The following ADGRF4 variants were observed in gnomAD, a reference collection of about 807,000 sequenced individuals.
The protein encoded by ADGRF4 is adhesion G protein-coupled receptor F4, also known as G-protein coupled receptor PGR18.
In ADGRF4, 63 loss-of-function variants were observed where a neutral mutation model predicts 58.5. That is an observed-to-expected ratio of 1.08 (90% CI 0.88 to 1.33). The LOEUF (loss-of-function observed/expected upper bound fraction) is 1.33, where lower values mean the gene tolerates loss of function less well. ADGRF4 is among the 40% of genes most tolerant of loss of function. The pLI is 0.00. For synonymous variants in ADGRF4, 313 were observed against 295.4 expected, an observed-to-expected ratio of 1.06 and a Z score of -0.61; for missense variants, 931 against 843.9, an observed-to-expected ratio of 1.10 and a Z score of -1.28.
At chr6:47,707,820 T>C (rs1273051211) in intron 2 of ADGRF4, among the ~76,000 whole-genome samples, 1 of 152,228 alleles carries the variant, frequency 6.6e-6, no homozygotes, top group Non-Finnish European at 1.5e-5. Flanking sequence ...TTCCTGTTCA[T>C]TTCTGTCTTC....
intron 4 of ADGRF4, among the ~76,000 whole-genome samples, chr6:47,711,825 C>T (rs1262775564): frequency 6.6e-6 from 1 of 152,136 alleles, no homozygotes; most frequent in Non-Finnish European, 1.5e-5. Context: ...TAGGTAATCA[C>T]CTAGAAGTCC....
intron 4 of ADGRF4, among the ~76,000 whole-genome samples, chr6:47,711,210 C>T (rs1771859032): frequency 6.6e-6 from 1 of 151,886 alleles, no homozygotes; most frequent in Non-Finnish European, 1.5e-5. Flanking sequence ...TGGTATGCCT[C>T]TTGTGATAAT....
chr6:47,720,427 G>A (rs1227007746), intron 9 of ADGRF4, among the ~76,000 whole-genome samples: 1 of 152,184 alleles, frequency 6.6e-6, no homozygotes, highest in African/African-American at 2.4e-5. Context: ...GACTTGCAAG[G>A]AGAATTGAGG....
chr6:47,710,707 CTCTCTCTT>C lies in ADGRF4; in HGVS notation c.149-22_149-15del, dbSNP rs1561866824. The C allele has an allele frequency of 6.6e-7, 1 of 1,525,200 alleles. No individual in the cohort carries two copies. The highest frequency in any genetic ancestry group is 1.2e-5 in the South Asian group (1 of 80,894). 94.5% of individuals were successfully genotyped at this position (1,525,200 alleles called of 1,614,324 possible). On this transcript the variant is annotated intron_variant, in intron 3 of 9. Coordinates refer to ENST00000283303, the MANE Select transcript of ADGRF4 (RefSeq NM_153838.5). ...GGAAATCCTAATTGGGCTCCTGTCT[CTCTCTCTT>C]TCTCTTTTTTTCTTTATAGAGAAAT... is the stretch of plus-strand genomic sequence containing the variant.
Position 47,715,004 on chromosome 6 carries a change from C to T in ADGRF4, c.1759C>T (p.Pro587Ser), listed in dbSNP as rs1374084404. The change falls in exon 6 of 10, where the codon CCC becomes TCC. Residue 587 changes from proline (P) to serine (S), a missense_variant. By Grantham distance (74) the Pro-to-Ser change is moderately conservative. Coordinates refer to ENST00000283303, the MANE Select transcript of ADGRF4 (RefSeq NM_153838.5). ...VLVVAVNTQR[P>S]SIGSSKSQDV... ...GGTTGTTGCTGTCAACACTCAGAGG[C>T]CCTCTATTGGCAGTTCCAAGTCTCA... is the stretch of plus-strand genomic sequence containing the variant. 2 of 1,613,440 alleles carry T rather than the reference C, an allele frequency of 1.2e-6. No individual in the cohort carries two copies. Among genetic ancestry groups the T allele is most frequent in the Non-Finnish European group, 1.7e-6 (2 of 1,179,402 alleles).
chr6:47,705,885 T>G (rs1292426470), intron 1 of ADGRF4, among the ~76,000 whole-genome samples: 1 of 152,260 alleles, frequency 6.6e-6, no homozygotes, highest in Non-Finnish European at 1.5e-5. Flanking sequence ...ACTGTTGGTT[T>G]GACTTGTCTG....
At position 47,710,888 on chromosome 6, in the gene ADGRF4, T is replaced by A. The variant is rs756929077; in HGVS notation, c.300+2T>A. 1.2e-6 allele frequency: 2 copies of A among 1,606,414 alleles called. No individual in the cohort carries two copies. The highest frequency in any genetic ancestry group is 2.2e-5 in the South Asian group (2 of 89,076). On this transcript the variant is annotated splice_donor_variant, in intron 4 of 9. Coordinates refer to ENST00000283303, the MANE Select transcript of ADGRF4 (RefSeq NM_153838.5). LOFTEE classifies it high-confidence loss of function. ...CTTTCTGTGGAAAAACTCTTTAAGG[T>A]GATGCATTCACAAATTATTGGTGAC... is the stretch of plus-strand genomic sequence containing the variant.
intron 6 of ADGRF4, 21 bp from the exon 7 acceptor site, chr6:47,716,785 A>G: frequency 1.3e-6 from 2 of 1,586,662 alleles, no homozygotes; most frequent in Non-Finnish European, 1.7e-6. Flanking sequence ...TCCCTCATGA[A>G]TCTGTTCAAT....
In ADGRF4 at chr6:47,699,853, G is replaced by C. The variant is rs187129444; in HGVS notation, c.-17+1059G>C. Among the ~76,000 whole-genome samples, 141 of 151,728 alleles carry C rather than the reference G, an allele frequency of 9.3e-4. 3 individuals are homozygous for C. In the East Asian group the frequency reaches 0.026, roughly 28 times the overall value. On this transcript the variant is annotated intron_variant, in intron 1 of 9. Coordinates refer to ENST00000283303, the MANE Select transcript of ADGRF4 (RefSeq NM_153838.5). ...GAGTTCTAATTATACTACTGGAACA[G>C]AGGAAACAGACAGACAGTTATAGAA...
In ADGRF4 at chr6:47,718,432, G is replaced by T. The variant is rs147432918; in HGVS notation, c.2078G>T (p.Arg693Leu). ...GPTNGSKLMNRQG is the reference protein window; with the variant it reads ...GPTNGSKLMNLQG ...ACCAATGGATCTAAATTAATGAATCGTCAAGGATGAAATGTGAGTATTAAA... is the reference window on the plus strand; with the variant it reads ...ACCAATGGATCTAAATTAATGAATCTTCAAGGATGAAATGTGAGTATTAAA... Residue 693 changes from arginine to leucine, a missense_variant, in exon 9 of 10, where the codon CGT (arginine) becomes CTT (leucine). Arg to Leu is a moderately radical substitution (Grantham distance 102). Transcript: ENST00000283303. 1 of 1,576,792 alleles carries T rather than the reference G, an allele frequency of 6.3e-7. No individual in the cohort carries two copies.
At chr6:47,703,617 C>T (rs1251947626) in intron 1 of ADGRF4, among the ~76,000 whole-genome samples, 1 of 152,112 alleles carries the variant, frequency 6.6e-6, no homozygotes, top group Non-Finnish European at 1.5e-5. Context: ...TTACATATGC[C>T]AGACTATAGA....
rs1243186108 is a variant in ADGRF4, at chr6:47,718,444, AT to A, written c.*3del. The A allele has an allele frequency of 1.9e-6, 3 of 1,546,650 alleles. No individual in the cohort carries two copies. Among genetic ancestry groups the A allele is most frequent in the Non-Finnish European group, 2.7e-6 (3 of 1,118,660 alleles). ...AAATTAATGAATCGTCAAGGATGAA[AT>A]GTGAGTATTAAAAATATAAAGAGAA... On this transcript the variant is annotated splice_region_variant and 3_prime_UTR_variant, in exon 9 of 10. Transcript: ENST00000283303.
rs528528851 is a variant in ADGRF4 at position 47,715,272 on chromosome 6, C to A, written c.1932+95C>A. 1.1e-5 allele frequency: 10 copies of A among 927,132 alleles called. No individual in the cohort carries two copies. In the African/African-American group the frequency reaches 1.5e-4, roughly 14 times the overall value. 57.4% of individuals were successfully genotyped at this position (927,132 alleles called of 1,614,324 possible). A position where few individuals can be genotyped will look rare whatever the true frequency, so the allele number is the denominator to read the frequency against. ...ATTATATAACACAAAATGTTCTCTC[C>A]ACTTCCTTTTACATCTTAGGGTTAT... On this transcript the variant is annotated intron_variant, in intron 6 of 9. Coordinates refer to ENST00000283303, the MANE Select transcript of ADGRF4 (RefSeq NM_153838.5).
chr6:47,715,226 A>G lies in ADGRF4; in HGVS notation c.1932+49A>G, dbSNP rs555958833. Reference sequence around the variant, plus strand: ...TCTGTGTTACTCCGACTAGACCACAAAAAAATGGCTATGATTTGAAATTAT... The same window carrying G: ...TCTGTGTTACTCCGACTAGACCACAGAAAAATGGCTATGATTTGAAATTAT... On this transcript the variant is annotated intron_variant, in intron 6 of 9. Transcript: ENST00000283303. The G allele has an allele frequency of 8.6e-6, 11 of 1,281,328 alleles. 1 individual carries two copies. The South Asian group carries it at 1.3e-4, about 15-fold the overall frequency. The allele number at this position is 1,281,328 out of a possible 1,614,324, so 79.4% of individuals were successfully genotyped here. A position where few individuals can be genotyped will look rare whatever the true frequency, so the allele number is the denominator to read the frequency against.
At chr6:47,705,018 TC>T (rs1771674396) in intron 1 of ADGRF4, among the ~76,000 whole-genome samples, 1 of 152,154 alleles carries the variant, frequency 6.6e-6, no homozygotes, top group Non-Finnish European at 1.5e-5. Context: ...AACCTCTGTC[TC>T]CAGGGTTTCA....
intron 1 of ADGRF4, among the ~76,000 whole-genome samples, chr6:47,706,343 T>C (rs567309064): frequency 5.4e-4 from 83 of 152,332 alleles, no homozygotes; most frequent in African/African-American, 1.9e-3. Context: ...TAGAGAGTTA[T>C]CTTCCTGCGC....
rs1772166416 is a variant in ADGRF4 at position 47,721,723 on chromosome 6, A to G, written c.*518A>G. On this transcript the variant is annotated 3_prime_UTR_variant, in exon 10 of 10. Transcript: ENST00000283303. The stretch of plus-strand genomic sequence containing the variant: ...GAAGAATGAGTCTACTTTGGAGACA[A>G]TTAAGTCATGGTACGTTTCCTAAAG... 6.6e-6 allele frequency: 1 copy of G among 152,158 alleles called. No individual in the cohort carries two copies. Among genetic ancestry groups the G allele is most frequent in the Non-Finnish European group, 1.5e-5 (1 of 68,032 alleles). 9.4% of individuals were successfully genotyped at this position (152,158 alleles called of 1,614,324 possible).
rs1242240594 is a variant in ADGRF4, at chr6:47,714,939, C to CG, written c.1696dup (p.Ala566GlyfsTer113). 2 of 1,613,500 alleles carry CG rather than the reference C, an allele frequency of 1.2e-6. No homozygotes were observed. Among genetic ancestry groups the CG allele is most frequent in the African/African-American group, 2.7e-5 (2 of 74,910 alleles). The stretch of plus-strand genomic sequence containing the variant: ...AAAGCCCTTTTAGCATTTGCCATCC[C>CG]GGCGTTCGTCATTGTGGCTGTAAAT... On this transcript the variant is annotated frameshift_variant, in exon 6 of 10. Coordinates refer to ENST00000283303, the MANE Select transcript of ADGRF4 (RefSeq NM_153838.5). LOFTEE classifies it high-confidence loss of function.
intron 4 of ADGRF4, among the ~76,000 whole-genome samples, chr6:47,712,066 C>T (rs1771885244): frequency 1.3e-5 from 2 of 152,186 alleles, no homozygotes; most frequent in Admixed American, 6.5e-5. Flanking sequence ...TCTTCTTTCC[C>T]TTCTCTGTAG....
Sources: gnomAD v4.1 joint callset for allele counts (sites outside exome capture counted in the v4.1 genomes callset) on GRCh38, gnomAD v4.1.1 for gene constraint, MANE v1.5 for transcripts, NCBI Gene and HGNC (gene_info 2026-07-23, HGNC 2026-07-21) for gene names.